STON1: variants seen among roughly 807,000 people sequenced by gnomAD.
STON1 encodes the protein stonin-1.
A neutral mutation model predicts 60.9 loss-of-function variants in STON1; 79 were observed. The observed-to-expected ratio is 1.30, with a 90% confidence interval of 1.08 to 1.56. The LOEUF is 1.56. STON1 is among the 40% of genes most tolerant of loss of function. STON1 has a pLI of 0.00. For missense variants in STON1, 1,166 were observed against 858.9 expected, an observed-to-expected ratio of 1.36 and a Z score of -4.47; for synonymous variants, 363 against 306.9, an observed-to-expected ratio of 1.18 and a Z score of -1.91.
intron 1 of STON1, among the ~76,000 whole-genome samples, chr2:48,558,738 C>G (rs928799446): frequency 1.3e-5 from 2 of 152,178 alleles, no homozygotes; most frequent in Non-Finnish European, 2.9e-5. Context: ...AAGCAGATGT[C>G]CCTTCCCCAT....
chr2:48,588,795 G>T (rs1295922283), intron 2 of STON1, among the ~76,000 whole-genome samples: 1 of 152,144 alleles, frequency 6.6e-6, no homozygotes, highest in East Asian at 1.9e-4. Context: ...GGGGAGGGCT[G>T]CTGGTCCCTT....
intron 1 of STON1, among the ~76,000 whole-genome samples, chr2:48,537,695 C>G (rs536336314): frequency 6.6e-6 from 1 of 151,520 alleles, no homozygotes; most frequent in East Asian, 2.0e-4. Context: ...CTAAAAATGC[C>G]AAAAATTAGC....
rs1558604823 is a variant in STON1, at chr2:48,564,483, C to CT, written c.-47-16102dup. On this transcript the variant is annotated intron_variant, in intron 1 of 3. Coordinates refer to ENST00000404752, the MANE Select transcript of STON1 (RefSeq NM_006873.4). ...CTTCTTCTTCTTCTTCTTCTTCTTT[C>CT]TTCTTCTTCTTCTTCTTCTTCTTCT... Among the ~76,000 whole-genome samples, 23 of 26,394 alleles carry CT rather than the reference C, an allele frequency of 8.7e-4. 4 individuals are homozygous for CT. The highest frequency in any genetic ancestry group is 1.7e-3 in the South Asian group (1 of 592). 17.3% of individuals were successfully genotyped at this position (26,394 alleles called of 152,430 possible). A position where few individuals can be genotyped will look rare whatever the true frequency, so the allele number is the denominator to read the frequency against.
At chr2:48,594,706 G>C (rs976815209) in intron 3 of STON1, among the ~76,000 whole-genome samples, 1 of 152,124 alleles carries the variant, frequency 6.6e-6, no homozygotes, top group Non-Finnish European at 1.5e-5. Context: ...TTTGAGCTGA[G>C]ACAAAAATGA....
At chr2:48,564,546 CTTCTT>C (rs1672822410) in intron 1 of STON1, among the ~76,000 whole-genome samples, 3 of 53,950 alleles carry the variant, frequency 5.6e-5, no homozygotes, top group Admixed American at 4.0e-4. Context: ...TCTTCTTCTT[CTTCTT>C]CTTCTTCTTC....
chr2:48,587,419 A>G (rs1449680739), intron 2 of STON1, among the ~76,000 whole-genome samples: 2 of 152,124 alleles, frequency 1.3e-5, no homozygotes, highest in Non-Finnish European at 2.9e-5. Context: ...CAGCCTCCCA[A>G]GTAGCTGGGA....
chr2:48,575,886 G>C (rs1471317077), intron 1 of STON1, among the ~76,000 whole-genome samples: 1 of 149,212 alleles, frequency 6.7e-6, no homozygotes, highest in East Asian at 2.1e-4. Context: ...AGCCTCCCAA[G>C]CAGCTGAGAT....
At chr2:48,558,317 G>A (rs561367562) in intron 1 of STON1, among the ~76,000 whole-genome samples, 1 of 152,346 alleles carries the variant, frequency 6.6e-6, no homozygotes, top group East Asian at 1.9e-4. Flanking sequence ...GAATTCCGTG[G>A]AAGTAGAGAG....
At chr2:48,532,827 C>G (rs1401152760) in intron 1 of STON1, among the ~76,000 whole-genome samples, 1 of 152,168 alleles carries the variant, frequency 6.6e-6, no homozygotes, top group Non-Finnish European at 1.5e-5. Context: ...CACTGATCAC[C>G]TGGACAGGTC....
chr2:48,580,521 C>T, intron 1 of STON1, 66 bp from the exon 2 acceptor site: 1 of 1,279,828 alleles, frequency 7.8e-7, no homozygotes, highest in Admixed American at 3.2e-5. Flanking sequence ...GAAGTAAAGA[C>T]ATTTAGTAAT....
In STON1 at chr2:48,552,753, GA is replaced by G. The variant is rs576782061; in HGVS notation, c.-48+22538del. Among the ~76,000 whole-genome samples the G allele has an allele frequency of 7.9e-5, 12 of 152,298 alleles. No individual in the cohort carries two copies. In the East Asian group the frequency reaches 2.1e-3, roughly 27 times the overall value. On this transcript the variant is annotated intron_variant, in intron 1 of 3. Coordinates refer to ENST00000404752, the MANE Select transcript of STON1 (RefSeq NM_006873.4). ...CCACTGCACTCCAGCCTGGGCAACAGAGTGAGACTCCATCTCAAAAAACAAA... is the reference window on the plus strand; with the variant it reads ...CCACTGCACTCCAGCCTGGGCAACAGGTGAGACTCCATCTCAAAAAACAAA...
chr2:48,594,931 A>T (rs1385643996), intron 3 of STON1, among the ~76,000 whole-genome samples: 2 of 151,992 alleles, frequency 1.3e-5, no homozygotes, highest in East Asian at 1.9e-4. Flanking sequence ...AGATCTGTAA[A>T]TTTTTTTTCA....
intron 3 of STON1, among the ~76,000 whole-genome samples, chr2:48,594,764 T>A (rs1674706972): frequency 6.6e-6 from 1 of 151,952 alleles, no homozygotes; most frequent in Non-Finnish European, 1.5e-5. Context: ...GTAATCACGG[T>A]TTTTGCCATT....
chr2:48,542,487 A>G (rs1285697601), intron 1 of STON1, among the ~76,000 whole-genome samples: 1 of 152,266 alleles, frequency 6.6e-6, no homozygotes, highest in Non-Finnish European at 1.5e-5. Context: ...CTGAAGATCA[A>G]GTGAGATAAC....
chr2:48,573,717 A>C (rs1673334074), intron 1 of STON1, among the ~76,000 whole-genome samples: 1 of 152,274 alleles, frequency 6.6e-6, no homozygotes, highest in Non-Finnish European at 1.5e-5. Flanking sequence ...CGAAACTTAT[A>C]CACAAATATT....
Position 48,597,711 on chromosome 2 carries a change from A to G in STON1, c.*2409A>G, listed in dbSNP as rs1176748973. ...CATTAACAGCAGGGTGTTACAGCAT[A>G]ATTGTTAATTCGCACATCTATTAGG... On this transcript the variant is annotated 3_prime_UTR_variant, in exon 4 of 4. Coordinates refer to ENST00000404752, the MANE Select transcript of STON1 (RefSeq NM_006873.4). 6.6e-6 allele frequency: 1 copy of G among 152,668 alleles called. No homozygotes were observed. Among genetic ancestry groups the G allele is most frequent in the Admixed American group, 6.5e-5 (1 of 15,286 alleles). The allele number at this position is 152,668 out of a possible 1,614,324, so 9.5% of individuals were successfully genotyped here.
At chr2:48,544,933 T>C (rs947080413) in intron 1 of STON1, among the ~76,000 whole-genome samples, 7 of 152,312 alleles carry the variant, frequency 4.6e-5, no homozygotes, top group Admixed American at 3.3e-4. Context: ...TCTCAATCCT[T>C]TGCAACCAGG....
chr2:48,574,331 G>A (rs1390900887), intron 1 of STON1, among the ~76,000 whole-genome samples: 1 of 151,550 alleles, frequency 6.6e-6, no homozygotes, highest in Non-Finnish European at 1.5e-5. Context: ...AGTCGAGATC[G>A]TGCCACTGCA....
At chr2:48,555,650 A>AC (rs1672318686) in intron 1 of STON1, among the ~76,000 whole-genome samples, 1 of 11,526 alleles carries the variant, frequency 8.7e-5, no homozygotes, top group Non-Finnish European at 1.5e-4. Context: ...CGGGGGGCCG[A>AC]CCCCCCCACC....
Sources: allele counts gnomAD v4.1 joint callset (sites outside exome capture counted in the v4.1 genomes callset), GRCh38; gene constraint gnomAD v4.1.1; transcripts MANE v1.5; gene names NCBI Gene and HGNC (gene_info 2026-07-23, HGNC 2026-07-21).